The following STARD13 variants were observed in gnomAD, a reference collection of about 807,000 sequenced individuals.
STARD13 encodes StAR related lipid transfer domain containing 13.
STARD13 carries 62 observed loss-of-function variants against 106.4 expected under a neutral mutation model. The ratio of observed to expected loss-of-function variants is 0.58; its 90% CI spans 0.48 to 0.72. The LOEUF (loss-of-function observed/expected upper bound fraction) is 0.72. STARD13 is among the 30% of genes least tolerant of loss of function. The probability of loss-of-function intolerance (pLI) is 0.00; values close to 1 mark genes in which losing one functional copy is unlikely to be tolerated. For synonymous variants in STARD13, 565 were observed against 553.0 expected (o/e 1.02, Z -0.31); for missense variants, 1,387 against 1,424.0 (o/e 0.97, Z 0.42).
chr13:33,526,997 A>T, the STARD13 span, among the ~76,000 whole-genome samples: 2 of 151,636 alleles, frequency 1.3e-5, no homozygotes, highest in African/African-American at 4.9e-5. Flanking sequence ...TCAAAAGAAG[A>T]GAACTGTTTT....
chr13:33,305,305 C>A lies in STARD13; in HGVS notation c.124+44985G>T, dbSNP rs189816290. The stretch of plus-strand genomic sequence containing the variant: ...CGTCACTAAGCACACGAAGAACTGA[C>A]AGATAAAGATCCAGAATGAGTTAAG... On this transcript the variant is annotated intron_variant, in intron 1 of 5. Transcript: ENST00000567873. Among the ~76,000 whole-genome samples the A allele has an allele frequency of 6.6e-5, 10 of 152,316 alleles. 1 individual carries two copies. In the East Asian group the frequency reaches 1.7e-3, roughly 26 times the overall value.
chr13:33,650,164 A>T, the STARD13 span, among the ~76,000 whole-genome samples: 2 of 48,356 alleles, frequency 4.1e-5, no homozygotes, highest in African/African-American at 8.2e-5. Context: ...CGTGACTCCA[A>T]TTTTTTTTTT....
At chr13:33,634,269 C>T in the STARD13 span, among the ~76,000 whole-genome samples, 3 of 152,140 alleles carry the variant, frequency 2.0e-5, no homozygotes, top group Non-Finnish European at 4.4e-5. Flanking sequence ...GTCAGAACTC[C>T]TTTAAGGAGC....
rs369947490 is a variant in STARD13, at chr13:33,128,914, G to A, written c.1748+15C>T. On this transcript the variant is annotated intron_variant, in intron 5 of 13. Transcript: ENST00000336934. ...AAATGGATGAAAAATCATTTCACAA[G>A]TGCATGCCACCTACCTGTTTGGCCT... 1.4e-4 allele frequency: 216 copies of A among 1,580,218 alleles called. 1 individual carries two copies. In the Middle Eastern group the frequency reaches 6.5e-3, roughly 47 times the overall value.
the STARD13 span, among the ~76,000 whole-genome samples, chr13:33,501,746 T>A: frequency 1.6e-3 from 241 of 152,306 alleles, no homozygotes; most frequent in African/African-American, 5.4e-3. Flanking sequence ...GGTCTGTATC[T>A]CTGTTTTGGT....
chr13:33,121,694 G>A (rs1876342701), intron 7 of STARD13, among the ~76,000 whole-genome samples: 2 of 124,098 alleles, frequency 1.6e-5, no homozygotes, highest in African/African-American at 3.1e-5. Context: ...TTTTGAGACA[G>A]AGTCTCACTC....
the STARD13 span, among the ~76,000 whole-genome samples, chr13:33,631,702 TACA>T: frequency 8.5e-5 from 13 of 152,244 alleles, no homozygotes; most frequent in East Asian, 1.7e-3. Flanking sequence ...ATTTCTGGAG[TACA>T]ACAACAAGAT....
chr13:33,623,355 T>C, the STARD13 span, among the ~76,000 whole-genome samples: 1 of 146,020 alleles, frequency 6.8e-6, no homozygotes, highest in Non-Finnish European at 1.5e-5. Context: ...AACTTTGAAG[T>C]GGGTGAAATT....
chr13:33,303,742 T>A (rs527830562), intron 1 of STARD13, among the ~76,000 whole-genome samples: 2 of 152,226 alleles, frequency 1.3e-5, no homozygotes, highest in South Asian at 2.1e-4. Flanking sequence ...GGTAAAGGAA[T>A]GAAAAGCACT....
At chr13:33,345,771 C>G (rs1302266083), downstream of STARD13, among the ~76,000 whole-genome samples, 1 of 151,980 alleles carries the variant, frequency 6.6e-6, no homozygotes, top group Non-Finnish European at 1.5e-5. Flanking sequence ...TCATTCATAT[C>G]TTATCTTTCC....
At chr13:33,450,903 G>A in the STARD13 span, among the ~76,000 whole-genome samples, 6 of 152,154 alleles carry the variant, frequency 3.9e-5, no homozygotes, top group Non-Finnish European at 7.4e-5. Flanking sequence ...TTTTAAAAGA[G>A]ACAGGGTCTT....
Position 33,110,878 on chromosome 13 carries a change from A to T in STARD13, c.2637T>A (p.Arg879=). The T allele has an allele frequency of 6.2e-7, 1 of 1,613,450 alleles. No individual in the cohort carries two copies. Among genetic ancestry groups the T allele is most frequent in the Non-Finnish European group, 8.5e-7 (1 of 1,180,028 alleles). ...GGATCTCAGCCTCCACATACGAGTT[A>T]CGAGACTGGGCCACCAACTCGTGTG... The part of the protein sequence containing the change: ...EVPHELVAQS[R]NSYVEAEIHV... Residue 879 remains arginine (R), a synonymous_variant, in exon 11 of 14, where the codon CGT becomes CGA. Coordinates refer to ENST00000336934, the MANE Select transcript of STARD13 (RefSeq NM_178006.4).
the STARD13 span, among the ~76,000 whole-genome samples, chr13:33,370,550 T>C: frequency 1.9e-4 from 29 of 152,268 alleles, no homozygotes; most frequent in East Asian, 2.3e-3. Flanking sequence ...TAAAACAAAA[T>C]TGTATTTTCT....
the STARD13 span, among the ~76,000 whole-genome samples, chr13:33,442,938 A>G: frequency 6.6e-6 from 1 of 152,234 alleles, no homozygotes; most frequent in African/African-American, 2.4e-5. Flanking sequence ...ACAGGATGCC[A>G]GGGGCCAGGG....
the STARD13 span, among the ~76,000 whole-genome samples, chr13:33,409,089 C>T: frequency 6.6e-6 from 1 of 151,822 alleles, no homozygotes; most frequent in Non-Finnish European, 1.5e-5. Context: ...CACCTAGTTT[C>T]CCCACTAGAA....
At chr13:33,496,985 T>C in the STARD13 span, among the ~76,000 whole-genome samples, 1 of 152,152 alleles carries the variant, frequency 6.6e-6, no homozygotes, top group African/African-American at 2.4e-5. Flanking sequence ...AAACAGATAA[T>C]TTTGTAAGAG....
the STARD13 span, among the ~76,000 whole-genome samples, chr13:33,645,726 G>A: frequency 1.3e-5 from 2 of 152,182 alleles, no homozygotes; most frequent in South Asian, 2.1e-4. Flanking sequence ...CTTAAAGATA[G>A]AAGCAAGTGG....
the STARD13 span, among the ~76,000 whole-genome samples, chr13:33,422,615 A>T: frequency 7.9e-5 from 12 of 152,354 alleles, no homozygotes; most frequent in East Asian, 2.3e-3. Flanking sequence ...ATATGGAACC[A>T]AAAAAGAGCC....
At chr13:33,669,530 CTTTTT>C in the STARD13 span, among the ~76,000 whole-genome samples, 2 of 103,156 alleles carry the variant, frequency 1.9e-5, no homozygotes, top group African/African-American at 8.7e-5. Context: ...AGAGGATGTT[CTTTTT>C]TTTTTTTTTT....
Sources: gnomAD v4.1 joint callset for allele counts (sites outside exome capture counted in the v4.1 genomes callset) on GRCh38, gnomAD v4.1.1 for gene constraint, MANE v1.5 for transcripts, NCBI Gene and HGNC (gene_info 2026-07-23, HGNC 2026-07-21) for gene names.